ZNF141: variants seen among roughly 807,000 people sequenced by gnomAD.
The protein encoded by ZNF141 is zinc finger protein 141 (clone pHZ-44).
Under a neutral mutation model 11.3 loss-of-function variants are expected in ZNF141, and 7 were observed. That is an observed-to-expected ratio of 0.62 (90% CI 0.35 to 1.16). The LOEUF (loss-of-function observed/expected upper bound fraction) is 1.16, where lower values mean the gene tolerates loss of function less well. Ranked by LOEUF, ZNF141 falls within the 50% of genes most tolerant of loss-of-function variation. The pLI, the probability that ZNF141 is intolerant of heterozygous loss-of-function variation, is 0.02. For synonymous variants in ZNF141, 183 were observed against 190.7 expected, an observed-to-expected ratio of 0.96 and a Z score of 0.33; for missense variants, 535 against 554.0, an observed-to-expected ratio of 0.97 and a Z score of 0.34.
intron 3 of ZNF141, among the ~76,000 whole-genome samples, chr4:362,646 A>G (rs1159994204): frequency 2.6e-5 from 4 of 152,128 alleles, no homozygotes; most frequent in African/African-American, 9.7e-5. Context: ...TCCTTCCCCC[A>G]TTTCTTGTTT....
At chr4:367,968 C>G (rs906561247) in intron 3 of ZNF141, among the ~76,000 whole-genome samples, 1 of 152,110 alleles carries the variant, frequency 6.6e-6, no homozygotes, top group African/African-American at 2.4e-5. Context: ...TTCTTATGCA[C>G]TCTGTCTGGA....
chr4:374,008 A>G lies in ZNF141; in HGVS notation c.*146A>G. The G allele has an allele frequency of 1.4e-6, 1 of 739,348 alleles. No individual in the cohort carries two copies. Among genetic ancestry groups the G allele is most frequent in the South Asian group, 1.8e-5 (1 of 54,962 alleles). 45.8% of individuals were successfully genotyped at this position (739,348 alleles called of 1,614,324 possible). On this transcript the variant is annotated 3_prime_UTR_variant, in exon 4 of 4. Coordinates refer to ENST00000240499, the MANE Select transcript of ZNF141 (RefSeq NM_003441.4). ...TTTACCTCATTCTCAAACCTTGATA[A>G]ACATAAGAGAATTCATACCGGAGAG...
intron 3 of ZNF141, among the ~76,000 whole-genome samples, chr4:367,972 G>T (rs1206391946): frequency 1.3e-5 from 2 of 152,092 alleles, no homozygotes; most frequent in Non-Finnish European, 2.9e-5. Context: ...TATGCACTCT[G>T]TCTGGAATAT....
rs1416835884 is a variant in ZNF141, at chr4:383,082, TTA to T, written c.*9222_*9223del. On this transcript the variant is annotated 3_prime_UTR_variant, in exon 4 of 4. Transcript: ENST00000240499. ...GGTTTAAAGGTCCTAAATGCTTCTG[TTA>T]TCTTTTTCAGAATTCTTCCATCTCT... 2.9e-6 allele frequency: 2 copies of T among 689,902 alleles called. No individual in the cohort carries two copies. The highest frequency in any genetic ancestry group is 2.6e-6 in the Non-Finnish European group (1 of 379,810). 42.7% of individuals were successfully genotyped at this position (689,902 alleles called of 1,614,324 possible).
At position 381,400 on chromosome 4, in the gene ZNF141, C is replaced by CTTTTTTTTTTTTTT. The variant is rs34721227; in HGVS notation, c.*7551_*7564dup. On this transcript the variant is annotated 3_prime_UTR_variant, in exon 4 of 4. Transcript: ENST00000240499. ...CTATTTAATACAGACTTCAAATGTG[C>CTTTTTTTTTTTTTT]TTTTTTTTTTTTTTTTTTTTTTTTT... is the stretch of plus-strand genomic sequence containing the variant. Among the ~76,000 whole-genome samples the CTTTTTTTTTTTTTT allele has an allele frequency of 2.6e-5, 2 of 76,946 alleles. No homozygotes were observed. The highest frequency in any genetic ancestry group is 1.7e-4 in the Admixed American group (1 of 5,984). 50.5% of individuals were successfully genotyped at this position (76,946 alleles called of 152,430 possible).
chr4:372,558 T>A lies in ZNF141; in HGVS notation c.227-106T>A, dbSNP rs1184199732. The A allele has an allele frequency of 5.8e-6, 6 of 1,041,228 alleles. No individual in the cohort carries two copies. In the African/African-American group the frequency reaches 9.7e-5, roughly 17 times the overall value. The allele number at this position is 1,041,228 out of a possible 1,614,324, so 64.5% of individuals were successfully genotyped here. A position where few individuals can be genotyped will look rare whatever the true frequency, so the allele number is the denominator to read the frequency against. ...GAAGAAGTTATGGCCTGTGGGATTT[T>A]GTTATGCCATCTTACTAATGTATTT... is the stretch of plus-strand genomic sequence containing the variant. On this transcript the variant is annotated intron_variant, in intron 3 of 3. Transcript: ENST00000240499.
At position 363,216 on chromosome 4, in the gene ZNF141, C is replaced by T. The variant is rs553580499; in HGVS notation, c.227-9448C>T. On this transcript the variant is annotated intron_variant, in intron 3 of 3. Coordinates refer to ENST00000240499, the MANE Select transcript of ZNF141 (RefSeq NM_003441.4). ...TATAGGAATGCTCGTGATTTTTGCA[C>T]ATTGATTTTGTGTCCTGAGACTTTG... Among the ~76,000 whole-genome samples the T allele has an allele frequency of 2.0e-4, 30 of 152,280 alleles. No individual in the cohort carries two copies. In the Middle Eastern group the frequency reaches 0.014, roughly 69 times the overall value.
At chr4:349,829 C>T (rs1488037210) in intron 3 of ZNF141, among the ~76,000 whole-genome samples, 2 of 152,106 alleles carry the variant, frequency 1.3e-5, no homozygotes, top group Non-Finnish European at 2.9e-5. Flanking sequence ...ATATGGCAGG[C>T]AGTAGACTAG....
At chr4:372,464 T>C (rs1712114877) in intron 3 of ZNF141, among the ~76,000 whole-genome samples, 200 bp from the exon 4 acceptor site, 1 of 152,254 alleles carries the variant, frequency 6.6e-6, no homozygotes, top group African/African-American at 2.4e-5. Flanking sequence ...TTGCATACAA[T>C]TAACTCATTT....
chr4:373,785 C>A lies in ZNF141; in HGVS notation c.1348C>A (p.Pro450Thr). 6.2e-7 allele frequency: 1 copy of A among 1,614,064 alleles called. No individual in the cohort carries two copies. The highest frequency in any genetic ancestry group is 8.5e-7 in the Non-Finnish European group (1 of 1,179,964). The change falls in exon 4 of 4, where the codon CCC (proline) becomes ACC (threonine). Residue 450 changes from proline to threonine, a missense_variant. Physicochemically the swap from Pro to Thr is conservative, Grantham distance 38. Coordinates refer to ENST00000240499, the MANE Select transcript of ZNF141 (RefSeq NM_003441.4). Reference sequence around the variant, plus strand: ...TAAGAAAATTCATACTGTAGATAAACCCTACAAATGTAAAGATTGTGACAA... The same window carrying A: ...TAAGAAAATTCATACTGTAGATAAAACCTACAAATGTAAAGATTGTGACAA... Reference protein sequence around the residue: ...QHKKIHTVDKPYKCKDCDKAF... With the variant: ...QHKKIHTVDKTYKCKDCDKAF...
intron 1 of ZNF141, among the ~76,000 whole-genome samples, chr4:338,775 C>T (rs1004820504): frequency 1.5e-4 from 23 of 152,126 alleles, no homozygotes; most frequent in Non-Finnish European, 2.4e-4. Context: ...GTGCTGACTC[C>T]GGGTGGTGTC....
chr4:371,803 G>C (rs1165048619), intron 3 of ZNF141, among the ~76,000 whole-genome samples: 2 of 152,022 alleles, frequency 1.3e-5, no homozygotes, highest in African/African-American at 4.8e-5. Context: ...GCCTCCCAAA[G>C]TGCTGGGATT....
chr4:365,715 T>A (rs1302245723), intron 3 of ZNF141, among the ~76,000 whole-genome samples: 1 of 152,244 alleles, frequency 6.6e-6, no homozygotes, highest in African/African-American at 2.4e-5. Context: ...AATTCTTTGC[T>A]CTGTAATATG....
At chr4:339,152 A>G (rs922769980) in intron 1 of ZNF141, among the ~76,000 whole-genome samples, 3 of 152,208 alleles carry the variant, frequency 2.0e-5, no homozygotes, top group Admixed American at 6.5e-5. Context: ...AATTGTGCCC[A>G]TGGCAGCTTT....
rs993007860 is a variant in ZNF141, at chr4:370,102, A to T, written c.227-2562A>T. On this transcript the variant is annotated intron_variant, in intron 3 of 3. Transcript: ENST00000240499. ...TTTAAACTCTTAAAAATGTAACTTGAATTGCATTTGAAAATTCTTCCTCTT... is the reference window on the plus strand; with the variant it reads ...TTTAAACTCTTAAAAATGTAACTTGTATTGCATTTGAAAATTCTTCCTCTT... Among the ~76,000 whole-genome samples, 7 of 152,120 alleles carry T rather than the reference A, an allele frequency of 4.6e-5. No individual in the cohort carries two copies. In the East Asian group the frequency reaches 7.7e-4, roughly 17 times the overall value.
In ZNF141 at chr4:384,719, C is replaced by T. The variant is rs547786033; in HGVS notation, c.*10857C>T. On this transcript the variant is annotated 3_prime_UTR_variant, in exon 4 of 4. Coordinates refer to ENST00000240499, the MANE Select transcript of ZNF141 (RefSeq NM_003441.4). ...ACACCCTTAGCGGGGAAATTTACCC[C>T]TCCCATTTGGGCAGAACCCACAGAA... 1 of 152,328 alleles carries T rather than the reference C, an allele frequency of 6.6e-6. No individual in the cohort carries two copies. The highest frequency in any genetic ancestry group is 2.1e-4 in the South Asian group (1 of 4,832). The allele number at this position is 152,328 out of a possible 1,614,324, so 9.4% of individuals were successfully genotyped here.
intron 3 of ZNF141, among the ~76,000 whole-genome samples, chr4:354,735 G>T (rs7690318): frequency 0.22 from 33,254 of 151,772 alleles, 3,750 homozygotes; most frequent in Middle Eastern, 0.25. Context: ...TATATATTAT[G>T]ATTCTATTTT....
At chr4:342,890 C>G (rs1340933693) in intron 1 of ZNF141, 4 of 1,604,414 alleles carry the variant, frequency 2.5e-6, no homozygotes, top group Non-Finnish European at 8.5e-7. Context: ...AACAGACTGC[C>G]GAAGTCCAAA....
chr4:355,587 G>T (rs1304039907), intron 3 of ZNF141, among the ~76,000 whole-genome samples: 2 of 152,090 alleles, frequency 1.3e-5, no homozygotes, highest in Non-Finnish European at 2.9e-5. Context: ...TATTGGCATG[G>T]AATATTCTTT....
Sources: allele counts gnomAD v4.1 joint callset (sites outside exome capture counted in the v4.1 genomes callset), GRCh38; gene constraint gnomAD v4.1.1; transcripts MANE v1.5; gene names NCBI Gene and HGNC (gene_info 2026-07-23, HGNC 2026-07-21).